Variants in NAALADL2 observed in about 807,000 individuals in gnomAD.
The protein encoded by NAALADL2 is N-acetylated alpha-linked acidic dipeptidase like 2.
Under a neutral mutation model 87.2 loss-of-function variants are expected in NAALADL2, and 76 were observed. The observed-to-expected ratio is 0.87, with a 90% CI of 0.72 to 1.05. The LOEUF (loss-of-function observed/expected upper bound fraction) is 1.05. Among genes scored for constraint, NAALADL2 ranks in the 50% least tolerant of loss-of-function variants. NAALADL2 has a pLI of 0.00. For missense variants in NAALADL2, 1,089 were observed against 945.8 expected, an observed-to-expected ratio of 1.15 and a Z score of -1.99; for synonymous variants, 354 against 331.0, an observed-to-expected ratio of 1.07 and a Z score of -0.75.
chr3:175,729,224 C>T (rs778942258), intron 11 of NAALADL2, among the ~76,000 whole-genome samples: 1 of 152,098 alleles, frequency 6.6e-6, no homozygotes, highest in Non-Finnish European at 1.5e-5. Flanking sequence ...AAGGAGAGCA[C>T]CTATCTTTTA....
In NAALADL2 at chr3:175,020,258, A is replaced by G. The variant is rs1191895646; in HGVS notation, c.44-76532A>G. On this transcript the variant is annotated intron_variant, in intron 1 of 13. Transcript: ENST00000454872. ...AAGGAAAACCAGAAGTTGCTTCTCA[A>G]TTATTCACCAGTCAGCAAAGGGCAC... Among the ~76,000 whole-genome samples the G allele has an allele frequency of 2.6e-5, 4 of 152,052 alleles. No homozygotes were observed. In the East Asian group the frequency reaches 5.8e-4, roughly 22 times the overall value.
chr3:175,427,934 C>G (rs890721106), intron 5 of NAALADL2, among the ~76,000 whole-genome samples: 10 of 152,002 alleles, frequency 6.6e-5, no homozygotes, highest in African/African-American at 2.4e-4. Flanking sequence ...ATGCCTGTTT[C>G]TTTTGCATAT....
chr3:174,759,541 T>G (rs1712618247), intron 3 of NAALADL2, among the ~76,000 whole-genome samples: 1 of 152,224 alleles, frequency 6.6e-6, no homozygotes, highest in Non-Finnish European at 1.5e-5. Context: ...AGGAATTATT[T>G]GTATTATACA....
chr3:175,132,800 C>T (rs1410090533), intron 2 of NAALADL2, among the ~76,000 whole-genome samples: 1 of 151,608 alleles, frequency 6.6e-6, no homozygotes, highest in East Asian at 2.0e-4. Context: ...CCCCACCTCC[C>T]TCCCGGACGG....
chr3:175,722,267 C>A (rs952704788), intron 11 of NAALADL2, among the ~76,000 whole-genome samples: 5 of 151,986 alleles, frequency 3.3e-5, no homozygotes, highest in Admixed American at 1.3e-4. Flanking sequence ...AAATGTTTGA[C>A]CTTTTGGGAA....
At chr3:175,302,602 T>C (rs1180734626) in intron 4 of NAALADL2, among the ~76,000 whole-genome samples, 2 of 152,174 alleles carry the variant, frequency 1.3e-5, no homozygotes, top group Non-Finnish European at 2.9e-5. Context: ...ATATTAAATA[T>C]GCTGTATTAC....
chr3:175,279,449 T>A (rs1753994264), intron 4 of NAALADL2, among the ~76,000 whole-genome samples: 1 of 152,122 alleles, frequency 6.6e-6, no homozygotes. Context: ...GTGCTGATGC[T>A]TTTGGTTGAA....
chr3:174,589,485 C>T (rs955218507), intron 2 of NAALADL2, among the ~76,000 whole-genome samples: 1 of 152,164 alleles, frequency 6.6e-6, no homozygotes, highest in Non-Finnish European at 1.5e-5. Flanking sequence ...GGAGCTGTTC[C>T]TATTCGGCCA....
At chr3:175,218,053 T>A in intron 2 of NAALADL2, 2 of 384,792 alleles carry the variant, frequency 5.2e-6, no homozygotes, top group Admixed American at 6.0e-5. Context: ...AATTTCAATG[T>A]TTTTTTTTGG....
At chr3:174,499,624 T>G (rs1371409521) in intron 1 of NAALADL2, among the ~76,000 whole-genome samples, 2 of 151,866 alleles carry the variant, frequency 1.3e-5, no homozygotes, top group Non-Finnish European at 2.9e-5. Flanking sequence ...CAACTTGCCT[T>G]TTCTTTTTGT....
At chr3:175,381,061 T>G (rs947606073) in intron 5 of NAALADL2, among the ~76,000 whole-genome samples, 96 of 152,158 alleles carry the variant, frequency 6.3e-4, no homozygotes, top group African/African-American at 2.0e-3. Flanking sequence ...GGTTTTATAA[T>G]GAACAACCTG....
At chr3:174,848,081 A>G (rs1724843924) in intron 3 of NAALADL2, among the ~76,000 whole-genome samples, 1 of 151,288 alleles carries the variant, frequency 6.6e-6, no homozygotes, top group Non-Finnish European at 1.5e-5. Flanking sequence ...TATGGTTTCA[A>G]TCAAGTTATT....
chr3:175,619,772 A>G (rs531763854), intron 10 of NAALADL2, among the ~76,000 whole-genome samples: 6 of 152,248 alleles, frequency 3.9e-5, no homozygotes, highest in African/African-American at 1.4e-4. Context: ...ATGTGATAGG[A>G]AAGACTGGAG....
chr3:175,245,234 C>G (rs879084113), intron 3 of NAALADL2, among the ~76,000 whole-genome samples: 2 of 151,994 alleles, frequency 1.3e-5, no homozygotes, highest in Non-Finnish European at 2.9e-5. Flanking sequence ...CCAAATAATA[C>G]GAAAGGACAG....
rs1328630349 is a variant in NAALADL2, at chr3:175,805,856, T to C, written c.*2653T>C. 1 of 151,872 alleles carries C rather than the reference T, an allele frequency of 6.6e-6. No individual in the cohort carries two copies. Among genetic ancestry groups the C allele is most frequent in the African/African-American group, 2.4e-5 (1 of 41,392 alleles). The allele number at this position is 151,872 out of a possible 1,614,324, so 9.4% of individuals were successfully genotyped here. On this transcript the variant is annotated 3_prime_UTR_variant, in exon 14 of 14. Coordinates refer to ENST00000454872, the MANE Select transcript of NAALADL2 (RefSeq NM_207015.3). ...TGCCCTTTATGGAAAAGCATAAGTC[T>C]CAGAATCAAAAGAAAGCCTAATAAA...
Position 175,634,491 on chromosome 3 carries a change from T to C in NAALADL2, c.1896+7105T>C, listed in dbSNP as rs1728242934. Among the ~76,000 whole-genome samples the C allele has an allele frequency of 1.3e-5, 2 of 151,992 alleles. 1 individual carries two copies. Among genetic ancestry groups the C allele is most frequent in the South Asian group, 4.1e-4 (2 of 4,836 alleles). ...TATCTTGAGATGCCATTCTAAGCTA[T>C]AGCTTTTAAAACTATATCTCAGTAG... On this transcript the variant is annotated intron_variant, in intron 11 of 13. Transcript: ENST00000454872.
chr3:174,782,071 G>A (rs1360282622), intron 3 of NAALADL2, among the ~76,000 whole-genome samples: 1 of 152,098 alleles, frequency 6.6e-6, no homozygotes, highest in Non-Finnish European at 1.5e-5. Flanking sequence ...AAGTGTGAAA[G>A]TACATATGCA....
chr3:175,252,502 C>A (rs1245438862), intron 3 of NAALADL2, among the ~76,000 whole-genome samples: 2 of 152,150 alleles, frequency 1.3e-5, no homozygotes, highest in African/African-American at 2.4e-5. Context: ...CTGGGCCTCC[C>A]TCTCCTGGGC....
intron 9 of NAALADL2, among the ~76,000 whole-genome samples, chr3:175,570,607 G>A (rs888240789): frequency 2.0e-5 from 3 of 152,130 alleles, no homozygotes; most frequent in East Asian, 3.9e-4. Flanking sequence ...TTGGCTGGGC[G>A]AGGTGGCTTA....
Sources: gnomAD v4.1 joint callset for allele counts (sites outside exome capture counted in the v4.1 genomes callset) on GRCh38, gnomAD v4.1.1 for gene constraint, MANE v1.5 for transcripts, NCBI Gene and HGNC (gene_info 2026-07-23, HGNC 2026-07-21) for gene names.